The following MACROD2 variants were observed in gnomAD, a reference collection of about 807,000 sequenced individuals.
The protein encoded by MACROD2 is ADP-ribose glycohydrolase MACROD2.
In MACROD2, 36 loss-of-function variants were observed where a neutral mutation model predicts 70.4. That is an observed-to-expected ratio of 0.51 (90% confidence interval 0.39 to 0.68). MACROD2 has a LOEUF of 0.68. MACROD2 is among the 30% of genes least tolerant of loss of function. MACROD2 has a pLI of 0.00. For synonymous variants in MACROD2, 172 were observed against 178.8 expected, an observed-to-expected ratio of 0.96 and a Z score of 0.30; for missense variants, 496 against 538.4, an observed-to-expected ratio of 0.92 and a Z score of 0.78.
At chr20:15,755,559 A>G (rs2051335816) in intron 8 of MACROD2, among the ~76,000 whole-genome samples, 1 of 152,074 alleles carries the variant, frequency 6.6e-6, no homozygotes, top group Non-Finnish European at 1.5e-5. Context: ...AAGGGCTCAA[A>G]AACCTCCCAG....
At chr20:15,528,564 G>A (rs1006806112) in intron 8 of MACROD2, among the ~76,000 whole-genome samples, 1 of 152,170 alleles carries the variant, frequency 6.6e-6, no homozygotes, top group Non-Finnish European at 1.5e-5. Flanking sequence ...CAGAATCCTT[G>A]GGAGCCCTGC....
intron 3 of MACROD2, among the ~76,000 whole-genome samples, chr20:14,366,567 A>C (rs112182377): frequency 0.02 from 3,070 of 151,204 alleles, 58 homozygotes; most frequent in African/African-American, 0.051. Flanking sequence ...GGGTTTCACC[A>C]TGTTGGCCAG....
chr20:14,361,808 G>A (rs987425232), intron 3 of MACROD2, among the ~76,000 whole-genome samples: 15 of 152,152 alleles, frequency 9.9e-5, no homozygotes, highest in Admixed American at 9.8e-4. Context: ...AATGGGAATA[G>A]GGAGAAAAAG....
At chr20:14,553,428 T>A (rs1264465229) in intron 4 of MACROD2, among the ~76,000 whole-genome samples, 1 of 150,280 alleles carries the variant, frequency 6.7e-6, no homozygotes. Context: ...TTTTTTTTTT[T>A]AGTAAGTAGA....
At chr20:15,575,800 G>A (rs1021178157) in intron 8 of MACROD2, among the ~76,000 whole-genome samples, 1 of 152,116 alleles carries the variant, frequency 6.6e-6, no homozygotes, top group African/African-American at 2.4e-5. Context: ...GCAAAAACTG[G>A]AATGTCTAAG....
intron 5 of MACROD2, among the ~76,000 whole-genome samples, chr20:15,027,852 T>C (rs758040672): frequency 6.6e-6 from 1 of 152,156 alleles, no homozygotes; most frequent in Non-Finnish European, 1.5e-5. Flanking sequence ...CCCAACAAGT[T>C]GCTGAATAAA....
At chr20:14,938,200 T>A (rs1274347114) in intron 5 of MACROD2, among the ~76,000 whole-genome samples, 1 of 152,102 alleles carries the variant, frequency 6.6e-6, no homozygotes, top group Non-Finnish European at 1.5e-5. Flanking sequence ...TTCTTTTGGA[T>A]ATATACCCAG....
Position 15,367,268 on chromosome 20 carries a change from C to T in MACROD2, c.541-64137C>T, listed in dbSNP as rs576313527. The stretch of plus-strand genomic sequence containing the variant: ...GTCTCAAACTCCTGACCTTGTGATC[C>T]GCCTGCCTTAGCCTCCCAAAGTGCT... On this transcript the variant is annotated intron_variant, in intron 6 of 17. Coordinates refer to ENST00000684519, the MANE Select transcript of MACROD2 (RefSeq NM_001351661.2). Among the ~76,000 whole-genome samples the T allele has an allele frequency of 1.1e-4, 17 of 152,188 alleles. No homozygotes were observed. In the East Asian group the frequency reaches 1.4e-3, roughly 12 times the overall value.
intron 5 of MACROD2, among the ~76,000 whole-genome samples, chr20:14,858,506 A>G (rs1600730806): frequency 6.6e-6 from 1 of 152,174 alleles, no homozygotes. Context: ...AAAAACAAAA[A>G]CAAAAACAGA....
intron 6 of MACROD2, among the ~76,000 whole-genome samples, chr20:15,330,924 A>G (rs751078174): frequency 6.6e-6 from 1 of 151,632 alleles, no homozygotes; most frequent in Non-Finnish European, 1.5e-5. Flanking sequence ...GCCCCTGGCT[A>G]TCTCTTACTT....
intron 6 of MACROD2, among the ~76,000 whole-genome samples, chr20:15,386,957 C>A (rs1249623638): frequency 2.6e-5 from 4 of 152,090 alleles, no homozygotes; most frequent in Admixed American, 2.6e-4. Context: ...CTTTTTTCCC[C>A]CTTTCCCCCT....
chr20:15,064,057 G>A lies in MACROD2; in HGVS notation c.419-165883G>A, dbSNP rs183800679. ...TAAAGCCCCCAGTTTAAGTTTGAAG[G>A]GCTGGTTAGTCACAGTCTCTCGCAC... On this transcript the variant is annotated intron_variant, in intron 5 of 17. Coordinates refer to ENST00000684519, the MANE Select transcript of MACROD2 (RefSeq NM_001351661.2). Among the ~76,000 whole-genome samples, 66 of 152,238 alleles carry A rather than the reference G, an allele frequency of 4.3e-4. 1 individual carries two copies. In the East Asian group the frequency reaches 0.012, roughly 28 times the overall value.
At chr20:15,727,491 TG>T (rs1382365975) in intron 8 of MACROD2, among the ~76,000 whole-genome samples, 1 of 152,180 alleles carries the variant, frequency 6.6e-6, no homozygotes, top group Non-Finnish European at 1.5e-5. Flanking sequence ...ATTGGTAGTT[TG>T]ATAGGAATAG....
chr20:15,920,981 C>G (rs1050136062), intron 10 of MACROD2, among the ~76,000 whole-genome samples: 4 of 152,166 alleles, frequency 2.6e-5, no homozygotes, highest in Admixed American at 6.5e-5. Context: ...TTCTCTCCCT[C>G]CTCACCTGCT....
chr20:14,344,119 T>C (rs1480806353), intron 3 of MACROD2, among the ~76,000 whole-genome samples: 1 of 152,192 alleles, frequency 6.6e-6, no homozygotes, highest in Non-Finnish European at 1.5e-5. Context: ...ATGCTTAATG[T>C]TGAAAGAAAC....
chr20:14,673,416 A>G (rs1159095691), intron 4 of MACROD2, among the ~76,000 whole-genome samples: 1 of 152,184 alleles, frequency 6.6e-6, no homozygotes, highest in African/African-American at 2.4e-5. Flanking sequence ...TGCAGAGATT[A>G]CGAAATGCAG....
chr20:14,552,108 A>G (rs1175236753), intron 4 of MACROD2, among the ~76,000 whole-genome samples: 1 of 151,908 alleles, frequency 6.6e-6, no homozygotes, highest in Non-Finnish European at 1.5e-5. Context: ...ATCAGAAAGC[A>G]TAATGACTGG....
At chr20:15,466,254 T>G (rs538324518) in intron 7 of MACROD2, among the ~76,000 whole-genome samples, 4 of 152,248 alleles carry the variant, frequency 2.6e-5, no homozygotes, top group Admixed American at 6.5e-5. Context: ...ATAAATGCTT[T>G]GATCTATTTA....
At chr20:15,611,756 ATTTTAT>A (rs1199907078) in intron 8 of MACROD2, among the ~76,000 whole-genome samples, 2 of 150,732 alleles carry the variant, frequency 1.3e-5, no homozygotes, top group Non-Finnish European at 2.9e-5. Flanking sequence ...CTTCTAAACA[ATTTTAT>A]TTATGCATCT....
Sources: allele counts gnomAD v4.1 joint callset (sites outside exome capture counted in the v4.1 genomes callset), GRCh38; gene constraint gnomAD v4.1.1; transcripts MANE v1.5; gene names NCBI Gene and HGNC (gene_info 2026-07-23, HGNC 2026-07-21).